ZNF99: variants seen among roughly 807,000 people sequenced by gnomAD.
The protein encoded by ZNF99 is zinc finger protein ENSP00000375192.
A neutral mutation model predicts 12.8 loss-of-function variants in ZNF99; 8 were observed. The ratio of observed to expected loss-of-function variants is 0.62; its 90% CI spans 0.37 to 1.13. The LOEUF (loss-of-function observed/expected upper bound fraction) is 1.13, where lower values mean the gene tolerates loss of function less well. ZNF99 is among the 50% of genes most tolerant of loss of function. ZNF99 has a pLI of 0.02. For synonymous variants in ZNF99, 318 were observed against 319.0 expected (o/e 1.00, Z 0.03); for missense variants, 1,007 against 1,006.2 (o/e 1.00, Z -0.01).
chr19:22,756,569 G>A lies in ZNF99; in HGVS notation c.*745C>T. On this transcript the variant is annotated 3_prime_UTR_variant, in exon 4 of 4. Transcript: ENST00000596209. Reference sequence around the variant, plus strand: ...TTCTCTCCAGTATGAATTGATTTATGTTTAGTAAGGTGTGAGGATTGCTTA... The same window carrying A: ...TTCTCTCCAGTATGAATTGATTTATATTTAGTAAGGTGTGAGGATTGCTTA... 1 of 1,598,914 alleles carries A rather than the reference G, an allele frequency of 6.3e-7. No homozygotes were observed. The highest frequency in any genetic ancestry group is 1.1e-5 in the South Asian group (1 of 90,916).
Position 22,759,416 on chromosome 19 carries a change from T to C in ZNF99, c.493A>G (p.Ile165Val). Residue 165 changes from isoleucine (I) to valine (V), a missense_variant, in exon 4 of 4, where the codon ATT (isoleucine) becomes GTT (valine). By Grantham distance (29) the Ile-to-Val change is conservative. Coordinates refer to ENST00000596209, the MANE Select transcript of ZNF99 (RefSeq NM_001080409.3). ...HKYSNSNRYKIRHTKKKTFKC... is the reference protein window; with the variant it reads ...HKYSNSNRYKVRHTKKKTFKC... The stretch of plus-strand genomic sequence containing the variant: ...AAAGTTTTCTTTTTAGTGTGTCTAA[T>C]CTTATATCTATTTGAATTTGAATAT... 2 of 1,577,454 alleles carry C rather than the reference T, an allele frequency of 1.3e-6. No individual in the cohort carries two copies. Among genetic ancestry groups the C allele is most frequent in the Non-Finnish European group, 1.7e-6 (2 of 1,161,506 alleles).
At chr19:22,764,377 G>A (rs1973182815) in intron 3 of ZNF99, among the ~76,000 whole-genome samples, 1 of 152,144 alleles carries the variant, frequency 6.6e-6, no homozygotes, top group African/African-American at 2.4e-5. Context: ...AACCCTTTTA[G>A]ACATTGGCTT....
chr19:22,776,809 T>C (rs1328253331), intron 1 of ZNF99, among the ~76,000 whole-genome samples: 23 of 142,092 alleles, frequency 1.6e-4, no homozygotes, highest in East Asian at 6.2e-4. Context: ...AGCAAAGACA[T>C]GGAATCAACC....
In ZNF99 at chr19:22,758,399, T is replaced by A; in HGVS notation, c.1510A>T (p.Met504Leu). The change falls in exon 4 of 4, where the codon ATG (methionine) becomes TTG (leucine). Residue 504 changes from methionine (M) to leucine (L), a missense_variant. Transcript: ENST00000596209. ...SKLTVHKVIHMEEKPCKCEEC... is the reference protein window; with the variant it reads ...SKLTVHKVIHLEEKPCKCEEC... ...TCACATTTGCAAGGTTTCTCTTCCA[T>A]ATGAATTACCTTATGTACAGTAAGT... is the stretch of plus-strand genomic sequence containing the variant. 6.2e-7 allele frequency: 1 copy of A among 1,605,020 alleles called. No homozygotes were observed. Among genetic ancestry groups the A allele is most frequent in the Non-Finnish European group, 8.5e-7 (1 of 1,173,904 alleles).
Position 22,758,163 on chromosome 19 carries a change from T to C in ZNF99, c.1746A>G (p.Arg582=), listed in dbSNP as rs749548866. ...KAFKQSSHLT[R]HKAIHTGEKP... ...TCTCCCCAGTATGAATTGCTTTATG[T>C]CTAGTAAGATGTGAAGATTGCTTAA... The change falls in exon 4 of 4, where the codon AGA becomes AGG. Residue 582 remains arginine, a synonymous_variant. Coordinates refer to ENST00000596209, the MANE Select transcript of ZNF99 (RefSeq NM_001080409.3). 4 of 1,613,690 alleles carry C rather than the reference T, an allele frequency of 2.5e-6. No individual in the cohort carries two copies. In the East Asian group the frequency reaches 6.7e-5, roughly 27 times the overall value.
Position 22,755,251 on chromosome 19 carries a change from A to T in ZNF99, c.*2063T>A, listed in dbSNP as rs1052190194. 3.7e-6 allele frequency: 1 copy of T among 269,236 alleles called. No homozygotes were observed. The highest frequency in any genetic ancestry group is 7.6e-6 in the Non-Finnish European group (1 of 132,150). 16.7% of individuals were successfully genotyped at this position (269,236 alleles called of 1,614,324 possible). On this transcript the variant is annotated 3_prime_UTR_variant, in exon 4 of 4. Transcript: ENST00000596209. Reference sequence around the variant, plus strand: ...AATTTTCTTATGTCTAATAAAGTTTAACTGATTAAAAGCATTGCCACATTC... The same window carrying T: ...AATTTTCTTATGTCTAATAAAGTTTTACTGATTAAAAGCATTGCCACATTC...
chr19:22,760,932 C>T lies in ZNF99; in HGVS notation c.227-1250G>A, dbSNP rs1029457446. Among the ~76,000 whole-genome samples the T allele has an allele frequency of 6.5e-4, 89 of 136,312 alleles. 3 individuals are homozygous for T. Among genetic ancestry groups the T allele is most frequent in the Non-Finnish European group, 9.3e-4 (59 of 63,416 alleles). 89.4% of individuals were successfully genotyped at this position (136,312 alleles called of 152,430 possible). On this transcript the variant is annotated intron_variant, in intron 3 of 3. Transcript: ENST00000596209. Reference sequence around the variant, plus strand: ...TTTCAAACAAGATGCATTCTAAGAACATGTTTGACATACTCCCAGAATCTC... The same window carrying T: ...TTTCAAACAAGATGCATTCTAAGAATATGTTTGACATACTCCCAGAATCTC...
chr19:22,767,571 T>G (rs961796045), intron 3 of ZNF99, among the ~76,000 whole-genome samples: 3 of 152,154 alleles, frequency 2.0e-5, no homozygotes. Context: ...TCTATAACTA[T>G]TATATTTATA....
rs868592863 is a variant in ZNF99 at position 22,779,248 on chromosome 19, G to A, written c.3+4766C>T. 9.9e-5 allele frequency among the ~76,000 whole-genome samples: 15 copies of A among 152,102 alleles called. No homozygotes were observed. The Middle Eastern group carries it at 0.01, about 103-fold the overall frequency. On this transcript the variant is annotated intron_variant, in intron 1 of 3. Coordinates refer to ENST00000596209, the MANE Select transcript of ZNF99 (RefSeq NM_001080409.3). ...AAAAAATAAATAAATAAATCGGGCC[G>A]GGCGCGGTAGCTCATGCGTGTAATC...
Position 22,756,914 on chromosome 19 carries a change from T to C in ZNF99, c.*400A>G. On this transcript the variant is annotated 3_prime_UTR_variant, in exon 4 of 4. Coordinates refer to ENST00000596209, the MANE Select transcript of ZNF99 (RefSeq NM_001080409.3). Reference sequence around the variant, plus strand: ...TATGAATTACCTTATGTTCCATAAGTTTTGAGACCACTTAAAAGCTTTACC... The same window carrying C: ...TATGAATTACCTTATGTTCCATAAGCTTTGAGACCACTTAAAAGCTTTACC... 1 of 1,609,514 alleles carries C rather than the reference T, an allele frequency of 6.2e-7. No individual in the cohort carries two copies. The highest frequency in any genetic ancestry group is 1.3e-5 in the African/African-American group (1 of 74,442).
At position 22,753,682 on chromosome 19, in the gene ZNF99, T is replaced by C. The variant is rs1255467315; in HGVS notation, c.*3632A>G. Reference sequence around the variant, plus strand: ...TCTAAGGTTTATATTTTCTAAAAGATATTCTCACAGTAATTGCATTTTTAA... The same window carrying C: ...TCTAAGGTTTATATTTTCTAAAAGACATTCTCACAGTAATTGCATTTTTAA... On this transcript the variant is annotated 3_prime_UTR_variant, in exon 4 of 4. Transcript: ENST00000596209. 6.4e-6 allele frequency: 1 copy of C among 156,592 alleles called. No individual in the cohort carries two copies. Among genetic ancestry groups the C allele is most frequent in the East Asian group, 1.8e-4 (1 of 5,476 alleles). 9.7% of individuals were successfully genotyped at this position (156,592 alleles called of 1,614,324 possible). A position where few individuals can be genotyped will look rare whatever the true frequency, so the allele number is the denominator to read the frequency against.
rs975282436 is a variant in ZNF99 at position 22,769,093 on chromosome 19, G to T, written c.130+105C>A. The stretch of plus-strand genomic sequence containing the variant: ...CCCTGTTTTCAGAAAACGGGTATCT[G>T]AAACTTATTTATGCTAAGCATAAAT... On this transcript the variant is annotated intron_variant, in intron 2 of 3. Transcript: ENST00000596209. The T allele has an allele frequency of 6.3e-5, 79 of 1,256,048 alleles. 1 individual carries two copies. The Admixed American group carries it at 1.5e-3, about 24-fold the overall frequency. The allele number at this position is 1,256,048 out of a possible 1,614,324, so 77.8% of individuals were successfully genotyped here. A position where few individuals can be genotyped will look rare whatever the true frequency, so the allele number is the denominator to read the frequency against.
rs377125251 is a variant in ZNF99, at chr19:22,760,560, C to T, written c.227-878G>A. ...GAGATCGAGACCATTCTGGCTAACA[C>T]GGTGAAACCGCGTCTCCACTAAAAA... On this transcript the variant is annotated intron_variant, in intron 3 of 3. Transcript: ENST00000596209. 5.7e-4 allele frequency among the ~76,000 whole-genome samples: 87 copies of T among 152,044 alleles called. 1 individual carries two copies. The South Asian group carries it at 0.015, about 27-fold the overall frequency.
intron 1 of ZNF99, among the ~76,000 whole-genome samples, chr19:22,778,880 G>T (rs897735514): frequency 6.6e-6 from 1 of 152,032 alleles, no homozygotes; most frequent in African/African-American, 2.4e-5. Flanking sequence ...GGTGGTGCCT[G>T]CCTGTAATCC....
Position 22,757,226 on chromosome 19 carries a change from T to C in ZNF99, c.*88A>G. On this transcript the variant is annotated 3_prime_UTR_variant, in exon 4 of 4. Transcript: ENST00000596209. ...ACATTTGTATGGTTTCTTCCCAGTA[T>C]AAATTATCTTATGTTTCCTAAGGGT... 1 of 1,588,140 alleles carries C rather than the reference T, an allele frequency of 6.3e-7. No homozygotes were observed. Among genetic ancestry groups the C allele is most frequent in the Non-Finnish European group, 8.6e-7 (1 of 1,162,586 alleles).
chr19:22,782,978 C>G (rs1973406720), intron 1 of ZNF99, among the ~76,000 whole-genome samples: 1 of 151,752 alleles, frequency 6.6e-6, no homozygotes, highest in Admixed American at 6.6e-5. Context: ...TGATAATCTA[C>G]TTTTTAAAAA....
Position 22,779,930 on chromosome 19 carries a change from CAA to C in ZNF99, c.3+4082_3+4083del, listed in dbSNP as rs895161962. Among the ~76,000 whole-genome samples, 14 of 152,256 alleles carry C rather than the reference CAA, an allele frequency of 9.2e-5. No homozygotes were observed. In the East Asian group the frequency reaches 2.3e-3, roughly 25 times the overall value. On this transcript the variant is annotated intron_variant, in intron 1 of 3. Transcript: ENST00000596209. ...ATAAATCTAACTTCGTTTTATTTTA[CAA>C]AGTCTAGAAACTATCTCAAAACAAT... is the stretch of plus-strand genomic sequence containing the variant.
chr19:22,764,772 C>T lies in ZNF99; in HGVS notation c.226+3533G>A, dbSNP rs116122250. Among the ~76,000 whole-genome samples the T allele has an allele frequency of 7.5e-3, 1,139 of 152,094 alleles. 10 individuals carry two copies. Among genetic ancestry groups the T allele is most frequent in the African/African-American group, 0.026 (1,078 of 41,468 alleles). ...ATGGCCAGGGAAATGCAAATCAAAA[C>T]CACCAAAGGATACCACCTTACTCAT... On this transcript the variant is annotated intron_variant, in intron 3 of 3. Transcript: ENST00000596209.
chr19:22,780,418 C>A (rs768002954), intron 1 of ZNF99, among the ~76,000 whole-genome samples: 1 of 152,124 alleles, frequency 6.6e-6, no homozygotes, highest in East Asian at 1.9e-4. Flanking sequence ...GTAGGCCAGG[C>A]GTGGTGGCTC....
Sources: allele counts gnomAD v4.1 joint callset (sites outside exome capture counted in the v4.1 genomes callset), GRCh38; gene constraint gnomAD v4.1.1; transcripts MANE v1.5; gene names NCBI Gene and HGNC (gene_info 2026-07-23, HGNC 2026-07-21).